The following SLC22A15 variants were observed in gnomAD, a reference collection of about 807,000 sequenced individuals.
SLC22A15 encodes the protein flipt 1.
A neutral mutation model predicts 62.7 loss-of-function variants in SLC22A15; 45 were observed. The ratio of observed to expected loss-of-function variants is 0.72; its 90% CI spans 0.56 to 0.92. The LOEUF (loss-of-function observed/expected upper bound fraction) is 0.92. Among genes scored for constraint, SLC22A15 ranks in the 40% least tolerant of loss-of-function variants. The probability of loss-of-function intolerance (pLI) is 0.00; values close to 1 mark genes in which losing one functional copy is unlikely to be tolerated. For synonymous variants in SLC22A15, 264 were observed against 267.0 expected (o/e 0.99, Z 0.11); for missense variants, 622 against 665.6 (o/e 0.93, Z 0.72).
intron 2 of SLC22A15, among the ~76,000 whole-genome samples, chr1:116,006,704 C>T (rs1419492924): frequency 5.3e-5 from 8 of 152,006 alleles, no homozygotes; most frequent in Non-Finnish European, 8.8e-5. Context: ...CCTTATTGCT[C>T]TTTCTTGTCT....
intron 1 of SLC22A15, among the ~76,000 whole-genome samples, chr1:115,981,068 C>G (rs1431894399): frequency 6.6e-6 from 1 of 152,112 alleles, no homozygotes; most frequent in Non-Finnish European, 1.5e-5. Context: ...CTTACCTTCC[C>G]TATCTGCTTA....
intron 2 of SLC22A15, among the ~76,000 whole-genome samples, chr1:116,011,041 C>A (rs969807531): frequency 6.6e-6 from 1 of 152,158 alleles, no homozygotes; most frequent in Non-Finnish European, 1.5e-5. Context: ...TGTGGTGCGT[C>A]CTCCTTTCAG....
At chr1:115,988,137 C>G (rs919688484) in intron 1 of SLC22A15, among the ~76,000 whole-genome samples, 1 of 152,174 alleles carries the variant, frequency 6.6e-6, no homozygotes. Context: ...ACTTGTTCTC[C>G]TTCCCTAGAG....
intron 2 of SLC22A15, among the ~76,000 whole-genome samples, chr1:116,018,510 G>A (rs879723879): frequency 2.0e-5 from 3 of 152,016 alleles, no homozygotes; most frequent in South Asian, 4.2e-4. Flanking sequence ...GACTACAGGC[G>A]TCCACCACCA....
chr1:116,035,417 T>G, intron 7 of SLC22A15, 90 bp downstream of exon 7: 1 of 1,159,586 alleles, frequency 8.6e-7, no homozygotes, highest in Non-Finnish European at 1.2e-6. Flanking sequence ...CTATATGGTG[T>G]TGTCTTTGTA....
chr1:116,001,102 T>C (rs1042103798), intron 2 of SLC22A15, among the ~76,000 whole-genome samples: 5 of 152,344 alleles, frequency 3.3e-5, no homozygotes, highest in East Asian at 1.9e-4. Context: ...CTGGATATAC[T>C]AGTCTAGGAT....
At chr1:116,001,361 T>C (rs1427426619) in intron 2 of SLC22A15, among the ~76,000 whole-genome samples, 1 of 152,200 alleles carries the variant, frequency 6.6e-6, no homozygotes, top group Non-Finnish European at 1.5e-5. Context: ...TGTACTTTAC[T>C]ATTGATATCT....
intron 8 of SLC22A15, among the ~76,000 whole-genome samples, chr1:116,037,785 G>A (rs908974988): frequency 5.3e-5 from 8 of 152,152 alleles, no homozygotes; most frequent in African/African-American, 1.9e-4. Context: ...CTCAAAGGTG[G>A]CTTTGGTACC....
At chr1:116,029,328 C>T (rs1456222244) in intron 5 of SLC22A15, among the ~76,000 whole-genome samples, 1 of 152,010 alleles carries the variant, frequency 6.6e-6, no homozygotes, top group Non-Finnish European at 1.5e-5. Flanking sequence ...AAAGATTTGC[C>T]ACCTTTAATG....
chr1:116,019,715 G>T lies in SLC22A15; in HGVS notation c.433+1G>T, dbSNP rs1219419103. On this transcript the variant is annotated splice_donor_variant, in intron 3 of 11. Transcript: ENST00000369503. LOFTEE classifies it high-confidence loss of function. The stretch of plus-strand genomic sequence containing the variant: ...GGAAGGAAAAAAGTCTATCTCACAG[G>T]TAATCTATTAGAGTATTCATAAACT... The T allele has an allele frequency of 6.2e-7, 1 of 1,610,402 alleles. No individual in the cohort carries two copies. Among genetic ancestry groups the T allele is most frequent in the Non-Finnish European group, 8.5e-7 (1 of 1,179,042 alleles).
chr1:115,976,755 G>A, intron 1 of SLC22A15, 41 bp downstream of exon 1: 1 of 1,491,230 alleles, frequency 6.7e-7, no homozygotes, highest in Non-Finnish European at 9.1e-7. Flanking sequence ...CCCTCTTCAG[G>A]GCCGCCCGGC....
chr1:115,984,363 G>C (rs1654753888), intron 1 of SLC22A15, among the ~76,000 whole-genome samples: 1 of 152,090 alleles, frequency 6.6e-6, no homozygotes, highest in Non-Finnish European at 1.5e-5. Flanking sequence ...GATTCTCCTA[G>C]GTGGAATTCA....
intron 2 of SLC22A15, among the ~76,000 whole-genome samples, chr1:116,012,867 A>T (rs1016759496): frequency 3.9e-5 from 6 of 152,184 alleles, no homozygotes; most frequent in Non-Finnish European, 5.9e-5. Flanking sequence ...GTGTGGAAGG[A>T]TCCTCTTTCA....
chr1:116,009,391 G>C (rs539903739), intron 2 of SLC22A15, among the ~76,000 whole-genome samples: 13 of 149,862 alleles, frequency 8.7e-5, no homozygotes, highest in Admixed American at 2.6e-4. Flanking sequence ...TGTTCCAAGT[G>C]CTGGTGTGGT....
chr1:116,025,073 C>T (rs1209272652), intron 4 of SLC22A15, among the ~76,000 whole-genome samples: 5 of 151,986 alleles, frequency 3.3e-5, no homozygotes. Flanking sequence ...ATTTGTATAA[C>T]ATGAGGTAGG....
chr1:116,054,741 T>C (rs1658155788), intron 8 of SLC22A15, among the ~76,000 whole-genome samples: 1 of 152,052 alleles, frequency 6.6e-6, no homozygotes, highest in Non-Finnish European at 1.5e-5. Context: ...GAACTCAGGA[T>C]TAAGAAACTC....
chr1:115,999,801 G>C (rs183971864), intron 2 of SLC22A15, among the ~76,000 whole-genome samples: 250 of 152,094 alleles, frequency 1.6e-3, no homozygotes, highest in African/African-American at 5.8e-3. Context: ...ATCACATCTG[G>C]CCTATATTCT....
At chr1:116,062,932 C>T (rs1658417861) in intron 9 of SLC22A15, 50 bp downstream of exon 9, 1 of 1,600,556 alleles carries the variant, frequency 6.2e-7, no homozygotes, top group Middle Eastern at 1.7e-4. Context: ...ACTTTGTCAT[C>T]CATTCTTGCA....
chr1:116,065,120 A>C (rs776938345), intron 10 of SLC22A15, among the ~76,000 whole-genome samples: 1 of 152,098 alleles, frequency 6.6e-6, no homozygotes, highest in Non-Finnish European at 1.5e-5. Flanking sequence ...GAAAGAACCC[A>C]GGGGACCCCT....
Sources: allele counts gnomAD v4.1 joint callset (sites outside exome capture counted in the v4.1 genomes callset), GRCh38; gene constraint gnomAD v4.1.1; transcripts MANE v1.5; gene names NCBI Gene and HGNC (gene_info 2026-07-23, HGNC 2026-07-21).